Variants in IHO1 observed in about 807,000 individuals in gnomAD.
IHO1 encodes the protein interactor of HORMAD1 protein 1.
In IHO1, 13 loss-of-function variants were observed where a neutral mutation model predicts 31.0. The ratio of observed to expected loss-of-function variants is 0.42; its 90% confidence interval spans 0.27 to 0.67. The LOEUF (loss-of-function observed/expected upper bound fraction) is 0.67. IHO1 is among the 30% of genes least tolerant of loss of function. The probability of loss-of-function intolerance (pLI) is 0.24; values close to 1 mark genes in which losing one functional copy is unlikely to be tolerated. For missense variants in IHO1, 599 were observed against 687.5 expected (o/e 0.87, Z 1.44); for synonymous variants, 221 against 248.4 (o/e 0.89, Z 1.04).
intron 4 of IHO1, among the ~76,000 whole-genome samples, chr3:49,244,040 C>T (rs1216551065): frequency 9.9e-5 from 15 of 151,192 alleles, no homozygotes; most frequent in African/African-American, 2.4e-4. Flanking sequence ...CTGCAACCTC[C>T]GCCTCCCAGG....
chr3:49,237,415 A>G (rs1431814729), intron 3 of IHO1, among the ~76,000 whole-genome samples: 1 of 152,108 alleles, frequency 6.6e-6, no homozygotes, highest in Non-Finnish European at 1.5e-5. Context: ...AAAATTACTT[A>G]TTCTGTTGGA....
intron 6 of IHO1, among the ~76,000 whole-genome samples, chr3:49,247,207 C>G (rs566615265): frequency 5.6e-4 from 85 of 151,320 alleles, no homozygotes; most frequent in Non-Finnish European, 1.1e-3. Context: ...GTGGCTCCTG[C>G]CTATAATCCC....
rs2107746763 is a variant in IHO1 at position 49,256,353 on chromosome 3, C to A, written c.856C>A (p.Gln286Lys). Reference protein sequence around the residue: ...PLAQSLNLTRQEKYTSEKPVL... With the variant: ...PLAQSLNLTRKEKYTSEKPVL... Reference sequence around the variant, plus strand: ...GGCCCAGAGCCTCAATCTCACCAGGCAGGAAAAATACACCTCTGAGAAACC... The same window carrying A: ...GGCCCAGAGCCTCAATCTCACCAGGAAGGAAAAATACACCTCTGAGAAACC... The change falls in exon 8 of 8, where the codon CAG becomes AAG. Residue 286 changes from glutamine (Q) to lysine (K), a missense_variant. Coordinates refer to ENST00000452691, the MANE Select transcript of IHO1 (RefSeq NM_001135197.2). The surrounding 1 kb of genome is among the most constrained non-coding windows in gnomAD (Gnocchi z 4.6). 1 of 1,614,144 alleles carries A rather than the reference C, an allele frequency of 6.2e-7. No homozygotes were observed. Among genetic ancestry groups the A allele is most frequent in the East Asian group, 2.2e-5 (1 of 44,878 alleles).
At chr3:49,191,649 A>G in the IHO1 span, 1 of 1,415,322 alleles carries the variant, frequency 7.1e-7, no homozygotes, top group Non-Finnish European at 9.9e-7. Flanking sequence ...GTTGGATGCC[A>G]AATGAAAACC....
At chr3:49,255,919 C>A (rs757212239) in intron 7 of IHO1, among the ~76,000 whole-genome samples, 2 of 151,956 alleles carry the variant, frequency 1.3e-5, no homozygotes, top group Non-Finnish European at 2.9e-5. Flanking sequence ...TGGAAAGGGG[C>A]CAGCATATAG....
At chr3:49,231,724 T>C (rs542847049) in intron 2 of IHO1, among the ~76,000 whole-genome samples, 2 of 152,348 alleles carry the variant, frequency 1.3e-5, no homozygotes, top group East Asian at 3.9e-4. Context: ...GACCTTTAAC[T>C]GAAGGAAATC....
chr3:49,248,336 G>A (rs2046721166), intron 6 of IHO1, among the ~76,000 whole-genome samples: 1 of 150,824 alleles, frequency 6.6e-6, no homozygotes, highest in South Asian at 2.1e-4. Context: ...GCAGAATGAC[G>A]TGAACCCAGG....
intron 6 of IHO1, among the ~76,000 whole-genome samples, chr3:49,253,206 AC>A (rs2046781949): frequency 6.6e-6 from 1 of 151,866 alleles, no homozygotes; most frequent in Non-Finnish European, 1.5e-5. Context: ...CGGGTGGATC[AC>A]CTGAGGTCAA....
intron 2 of IHO1, among the ~76,000 whole-genome samples, chr3:49,220,577 G>A (rs2046342212): frequency 1.3e-5 from 2 of 152,130 alleles, no homozygotes; most frequent in Admixed American, 1.3e-4. Context: ...CTTAAAGGTG[G>A]TGCAGACCCA....
intron 6 of IHO1, among the ~76,000 whole-genome samples, chr3:49,246,575 G>A (rs2046697895): frequency 6.6e-6 from 1 of 152,052 alleles, no homozygotes; most frequent in Non-Finnish European, 1.5e-5. Context: ...TTGAACCCAG[G>A]AGGCAGAGGT....
chr3:49,211,584 C>T (rs1288818058), intron 1 of IHO1, among the ~76,000 whole-genome samples, 182 bp from the exon 2 acceptor site: 1 of 150,042 alleles, frequency 6.7e-6, no homozygotes. Flanking sequence ...GATCGAGCCA[C>T]GGCACTCCAG....
At chr3:49,200,270 G>C (rs1215967482) in intron 1 of IHO1, among the ~76,000 whole-genome samples, 2 of 151,912 alleles carry the variant, frequency 1.3e-5, no homozygotes, top group African/African-American at 4.8e-5. Flanking sequence ...CTCGAGACCA[G>C]CCTGGCCAAC....
At chr3:49,253,338 CTGCT>C (rs1303443965) in intron 6 of IHO1, among the ~76,000 whole-genome samples, 2 of 151,642 alleles carry the variant, frequency 1.3e-5, no homozygotes, top group Admixed American at 1.3e-4. Context: ...GGCTGGAGAA[CTGCT>C]TGAACTCAGG....
chr3:49,246,885 A>T (rs1253528383), intron 6 of IHO1, among the ~76,000 whole-genome samples: 15 of 145,706 alleles, frequency 1.0e-4, no homozygotes, highest in African/African-American at 3.8e-4. Flanking sequence ...ACGAACTCTC[A>T]CTCTTGTCCC....
chr3:49,207,336 C>T (rs577391868), intron 1 of IHO1, among the ~76,000 whole-genome samples: 1 of 149,240 alleles, frequency 6.7e-6, no homozygotes, highest in African/African-American at 2.5e-5. Flanking sequence ...AACTCTGCCT[C>T]CCAGGTTCAA....
chr3:49,235,301 A>G (rs2046544633), intron 2 of IHO1, among the ~76,000 whole-genome samples: 1 of 146,136 alleles, frequency 6.8e-6, no homozygotes, highest in Non-Finnish European at 1.5e-5. Context: ...AATTTGGCTG[A>G]CTACAAGCTC....
chr3:49,202,851 A>ATTTTTTTTTTT (rs71077774), intron 1 of IHO1, among the ~76,000 whole-genome samples: 68 of 90,122 alleles, frequency 7.5e-4, no homozygotes, highest in Non-Finnish European at 8.7e-4. Context: ...AATTTTTTGT[A>ATTTTTTTTTTT]TTTTTTTTTT....
Position 49,246,179 on chromosome 3 carries a change from CAA to C in IHO1, c.532+1468_532+1469del, listed in dbSNP as rs71278650. On this transcript the variant is annotated intron_variant, in intron 6 of 7. Coordinates refer to ENST00000452691, the MANE Select transcript of IHO1 (RefSeq NM_001135197.2). The stretch of plus-strand genomic sequence containing the variant: ...CCTGGACGACAGAGCGAGACTCCGT[CAA>C]AAAAAAAAAAAAAAAAAAAAACTTG... Among the ~76,000 whole-genome samples the C allele has an allele frequency of 1.9e-3, 90 of 47,772 alleles. No individual in the cohort carries two copies. In the East Asian group the frequency reaches 0.045, roughly 24 times the overall value. The allele number at this position is 47,772 out of a possible 152,430, so 31.3% of individuals were successfully genotyped here. A position where few individuals can be genotyped will look rare whatever the true frequency, so the allele number is the denominator to read the frequency against.
intron 6 of IHO1, among the ~76,000 whole-genome samples, chr3:49,249,662 T>C (rs1236893245): frequency 1.3e-5 from 2 of 152,210 alleles, no homozygotes; most frequent in African/African-American, 4.8e-5. Context: ...TATATGAATA[T>C]GGTAGAATGG....
Sources: gnomAD v4.1 joint callset for allele counts (sites outside exome capture counted in the v4.1 genomes callset) on GRCh38, gnomAD v4.1.1 for gene constraint, Gnocchi (gnomAD v3.1) non-coding constraint, MANE v1.5 for transcripts, NCBI Gene and HGNC (gene_info 2026-07-23, HGNC 2026-07-21) for gene names.